The following MICAL1 variants were observed in gnomAD, a reference collection of about 807,000 sequenced individuals.
MICAL1 encodes [F-actin]-monooxygenase MICAL1.
A neutral mutation model predicts 131.8 loss-of-function variants in MICAL1; 95 were observed. The observed-to-expected ratio is 0.72, with a 90% CI of 0.61 to 0.86. The LOEUF is 0.86. MICAL1 is among the 40% of genes least tolerant of loss of function. MICAL1 has a pLI of 0.00. For synonymous variants in MICAL1, 546 were observed against 554.2 expected (o/e 0.99, Z 0.21); for missense variants, 1,292 against 1,380.6 (o/e 0.94, Z 1.02).
chr6:109,446,678 C>T lies in MICAL1; in HGVS notation c.2304+18G>A, dbSNP rs764248057. On this transcript the variant is annotated intron_variant, in intron 18 of 24. Coordinates refer to ENST00000358807, the MANE Select transcript of MICAL1 (RefSeq NM_022765.4). ...CTCTTCCCATGCCCCAATATACATA[C>T]ACGCCTTCAGTCTTTACCGGACTCT... is the stretch of plus-strand genomic sequence containing the variant. 4.3e-6 allele frequency: 7 copies of T among 1,611,468 alleles called. No homozygotes were observed. The South Asian group carries it at 6.6e-5, about 15-fold the overall frequency.
intron 7 of MICAL1, 30 bp from the exon 8 acceptor site, chr6:109,450,587 G>A: frequency 6.3e-7 from 1 of 1,579,530 alleles, no homozygotes; most frequent in Non-Finnish European, 8.6e-7. Context: ...GAACCTCAGA[G>A]ACCTCTGAGA....
rs1190943252 is a variant in MICAL1 at position 109,452,302 on chromosome 6, C to G, written c.776G>C (p.Ser259Thr). The change falls in exon 6 of 25, where the codon AGT (serine) becomes ACT (threonine). Residue 259 changes from serine to threonine, a missense_variant. Ser to Thr is a moderately conservative substitution (Grantham distance 58, BLOSUM62 1). Coordinates refer to ENST00000358807, the MANE Select transcript of MICAL1 (RefSeq NM_022765.4). The part of the protein sequence containing the change: ...TVEETQVPEI[S>T]GVARIYNQSF... The stretch of plus-strand genomic sequence containing the variant: ...CTGGTTGTAGATCCTGGCTACACCA[C>G]TGATCTCCGGCACCTGTGTCTCCTC... 3 of 1,614,080 alleles carry G rather than the reference C, an allele frequency of 1.9e-6. No homozygotes were observed. Among genetic ancestry groups the G allele is most frequent in the Non-Finnish European group, 2.5e-6 (3 of 1,180,040 alleles).
rs1250447790 is a variant in MICAL1, at chr6:109,446,376, C to A, written c.2341G>T (p.Gly781Cys). Residue 781 changes from glycine (G) to cysteine (C), a missense_variant, in exon 19 of 25, where the codon GGC becomes TGC. Coordinates refer to ENST00000358807, the MANE Select transcript of MICAL1 (RefSeq NM_022765.4). ...PTPSENSMPP[G>C]LSTPTASQEG... is the part of the protein sequence containing the mutation. ...TGCGAGGCTGTGGGAGTTGAGAGGC[C>A]TGGTGGCATGCTATTCTCACTTGGT... The A allele has an allele frequency of 1.2e-6, 2 of 1,610,110 alleles. No individual in the cohort carries two copies. Among genetic ancestry groups the A allele is most frequent in the South Asian group, 2.2e-5 (2 of 90,890 alleles).
At chr6:109,455,972 C>T (rs1775734681), upstream of MICAL1, 2 of 985,590 alleles carry the variant, frequency 2.0e-6, no homozygotes, top group Non-Finnish European at 2.4e-6. This position sits in a 1 kb window ranked among gnomAD's most constrained non-coding sequence, Gnocchi z 4.7. Context: ...CCGCCTCCAG[C>T]GGGGACAGTC....
At chr6:109,458,813 T>C (rs1415777359), upstream of MICAL1, among the ~76,000 whole-genome samples, 2 of 152,148 alleles carry the variant, frequency 1.3e-5, no homozygotes, top group African/African-American at 4.8e-5. Flanking sequence ...GCTTTGTACC[T>C]GCAGGCCAGT....
rs768105955 is a variant in MICAL1 at position 109,445,214 on chromosome 6, G to A, written c.2864C>T (p.Ala955Val). The stretch of plus-strand genomic sequence containing the variant: ...TCACTCACTGCTCTGGCGCCTCAAG[G>A]CCAGCTCCAGCTTCACGCCCTCGGC... ...LEAEGVKLEL[A>V]LRRQSSSPEQ... Residue 955 changes from alanine to valine, a missense_variant, in exon 22 of 25, where the codon GCC becomes GTC. Physicochemically the swap from Ala to Val is moderately conservative, Grantham distance 64. Transcript: ENST00000358807. The A allele has an allele frequency of 2.5e-6, 4 of 1,613,588 alleles. No homozygotes were observed. Among genetic ancestry groups the A allele is most frequent in the Non-Finnish European group, 3.4e-6 (4 of 1,180,036 alleles).
chr6:109,465,304 AG>A (rs1562298526), intron 1 of MICAL1: 1 of 266,054 alleles, frequency 3.8e-6, no homozygotes, highest in African/African-American at 2.2e-5. Flanking sequence ...TAAAACGTTG[AG>A]GGTTACTTTG....
exon 1 of MICAL1, chr6:109,465,831 C>G: frequency 6.2e-7 from 1 of 1,614,158 alleles, no homozygotes; most frequent in Non-Finnish European, 8.5e-7. Context: ...CCCAATCAAG[C>G]AGTCAAACGT....
chr6:109,446,893 C>G (rs1562287657), intron 17 of MICAL1, 121 bp from the exon 18 acceptor site: 1 of 1,246,294 alleles, frequency 8.0e-7, no homozygotes, highest in Non-Finnish European at 1.1e-6. Flanking sequence ...TTCTGCCAGC[C>G]TCCTGTTCCT....
chr6:109,448,232 C>G lies in MICAL1; in HGVS notation c.1826G>C (p.Ser609Thr). The G allele has an allele frequency of 6.2e-7, 1 of 1,613,390 alleles. No individual in the cohort carries two copies. The highest frequency in any genetic ancestry group is 1.1e-5 in the South Asian group (1 of 91,080). Residue 609 changes from serine (S) to threonine (T), a missense_variant, in exon 13 of 25, where the codon AGT becomes ACT. By Grantham distance (58) the Ser-to-Thr change is moderately conservative. Coordinates refer to ENST00000358807, the MANE Select transcript of MICAL1 (RefSeq NM_022765.4). The stretch of plus-strand genomic sequence containing the variant: ...GCTGTGGGCCATGCTCTTGAAGGCA[C>G]TGTGGAAGTGGCTGAGGTAGGCAAT... ...GLIAYLSHFH[S>T]AFKSMAHSPG... is the part of the protein sequence containing the mutation.
intron 18 of MICAL1, 56 bp downstream of exon 18, chr6:109,446,640 C>G (rs1463119215): frequency 3.8e-6 from 6 of 1,570,778 alleles, no homozygotes; most frequent in Non-Finnish European, 5.2e-6. Context: ...GCTGGTTTGA[C>G]GAGACCCTCT....
In MICAL1 at chr6:109,444,244, G is replaced by T. The variant is rs757758020; in HGVS notation, c.3151C>A (p.Gln1051Lys). The T allele has an allele frequency of 6.2e-7, 1 of 1,613,658 alleles. No homozygotes were observed. Among genetic ancestry groups the T allele is most frequent in the South Asian group, 1.1e-5 (1 of 91,086 alleles). The change falls in exon 25 of 25, where the codon CAG becomes AAG. Residue 1051 changes from glutamine (Q) to lysine (K), a missense_variant. Physicochemically the swap from Gln to Lys is moderately conservative, Grantham distance 53 (BLOSUM62 1). Coordinates refer to ENST00000358807, the MANE Select transcript of MICAL1 (RefSeq NM_022765.4). The stretch of plus-strand genomic sequence containing the variant: ...AGCTCGCTGAGCCTGCGCTCCTCCT[G>T]GAAGCGGATGAGGGCATCTCTCTGG... The part of the protein sequence containing the change: ...VNQRDALIRF[Q>K]EERRLSELAL...
intron 3 of MICAL1, 99 bp from the exon 4 acceptor site, chr6:109,453,466 A>T: frequency 2.0e-6 from 3 of 1,513,674 alleles, no homozygotes; most frequent in South Asian, 2.4e-5. Context: ...AAAAGGCCTT[A>T]GCAATCACTC....
chr6:109,464,845 GAT>G (rs1365742232), intron 1 of MICAL1: 1 of 152,156 alleles, frequency 6.6e-6, no homozygotes, highest in Non-Finnish European at 1.5e-5. Flanking sequence ...CACTTTGTGG[GAT>G]TTAACTAGTC....
chr6:109,456,456 GAAACTCAGCAATCTGCAGCT>G (rs148574770), upstream of MICAL1, among the ~76,000 whole-genome samples: 2,153 of 152,310 alleles, frequency 0.014, 51 homozygotes, highest in African/African-American at 0.048. Context: ...TAAAGTCCTG[GAAACTCAGCAATCTGCAGCT>G]TCCAAATGGA....
chr6:109,445,828 A>G lies in MICAL1; in HGVS notation c.2616T>C (p.Ser872=). Residue 872 remains serine (S), a synonymous_variant, in exon 20 of 25, where the codon AGT becomes AGC. Transcript: ENST00000358807. The part of the protein sequence containing the change: ...LVAMEKEEKE[S]PFSSEEEEED... ...CTTCTTCCTCTTCACTGGAGAAGGG[A>G]CTCTCTTTTTCCTCCTTCTCCATGG... The G allele has an allele frequency of 6.2e-7, 1 of 1,610,248 alleles. No individual in the cohort carries two copies.
chr6:109,454,269 G>A (rs1345503408), intron 1 of MICAL1, 30 bp from the exon 2 acceptor site: 1 of 1,519,698 alleles, frequency 6.6e-7, no homozygotes, highest in Non-Finnish European at 8.8e-7. Flanking sequence ...AGGGGAAGAG[G>A]CTGGAGAACA....
rs13219547 is a variant in MICAL1 at position 109,455,582 on chromosome 6, G to A, written c.-44+137C>T. On this transcript the variant is annotated intron_variant, in intron 1 of 24. Coordinates refer to ENST00000358807, the MANE Select transcript of MICAL1 (RefSeq NM_022765.4). This position sits in a 1 kb window ranked among gnomAD's most constrained non-coding sequence, Gnocchi z 4.7. ...GCAAAGTCCGGACGCGGCGTGAGCA[G>A]GGCTGGGCTGAGGGAAGACCTGCCT... 2 of 549,232 alleles carry A rather than the reference G, an allele frequency of 3.6e-6. No homozygotes were observed. Among genetic ancestry groups the A allele is most frequent in the Non-Finnish European group, 4.6e-6 (2 of 430,594 alleles). The allele number at this position is 549,232 out of a possible 1,614,324, so 34.0% of individuals were successfully genotyped here. A position where few individuals can be genotyped will look rare whatever the true frequency, so the allele number is the denominator to read the frequency against.
upstream of MICAL1, among the ~76,000 whole-genome samples, chr6:109,457,434 G>A (rs1193895368): frequency 6.6e-6 from 1 of 152,164 alleles, no homozygotes; most frequent in Non-Finnish European, 1.5e-5. Context: ...GTGAAAGGCT[G>A]GCATTATACG....
Sources: gnomAD v4.1 joint callset for allele counts (sites outside exome capture counted in the v4.1 genomes callset) on GRCh38, gnomAD v4.1.1 for gene constraint, Gnocchi (gnomAD v3.1) non-coding constraint, MANE v1.5 for transcripts, NCBI Gene and HGNC (gene_info 2026-07-23, HGNC 2026-07-21) for gene names.